SMG6: variants seen among roughly 807,000 people sequenced by gnomAD.
The protein encoded by SMG6 is SMG6 nonsense mediated mRNA decay factor.
Under a neutral mutation model 142.2 loss-of-function variants are expected in SMG6, and 66 were observed. The observed-to-expected ratio is 0.46, with a 90% CI of 0.38 to 0.57. The LOEUF is 0.57. Among genes scored for constraint, SMG6 ranks in the 20% least tolerant of loss-of-function variants. The pLI is 0.00. For missense variants in SMG6, 1,793 were observed against 1,832.0 expected, an observed-to-expected ratio of 0.98 and a Z score of 0.39; for synonymous variants, 779 against 702.4, an observed-to-expected ratio of 1.11 and a Z score of -1.72.
chr17:2,250,783 A>C (rs984355310), intron 8 of SMG6, among the ~76,000 whole-genome samples: 1 of 152,138 alleles, frequency 6.6e-6, no homozygotes, highest in Non-Finnish European at 1.5e-5. Context: ...TTTCATGAGT[A>C]CCTGTTAGTA....
At chr17:2,179,545 G>T (rs897039888) in intron 12 of SMG6, among the ~76,000 whole-genome samples, 1 of 151,354 alleles carries the variant, frequency 6.6e-6, no homozygotes. Context: ...TATGGAAGAC[G>T]ATCCATGGAA....
At chr17:2,303,392 G>A (rs190452668) in intron 1 of SMG6, 5 of 1,241,808 alleles carry the variant, frequency 4.0e-6, no homozygotes, top group Non-Finnish European at 5.0e-6. Context: ...CGGCGAGAAA[G>A]AGGGTGGAGG....
Position 2,065,055 on chromosome 17 carries a change from G to T in SMG6, c.4129+18C>A. 6.2e-7 allele frequency: 1 copy of T among 1,606,516 alleles called. No homozygotes were observed. Among genetic ancestry groups the T allele is most frequent in the Non-Finnish European group, 8.5e-7 (1 of 1,173,654 alleles). On this transcript the variant is annotated intron_variant, in intron 18 of 18. Transcript: ENST00000263073. ...GGCAGTGGGGATGGAAGATCCCAAGGCGGAGGCAAAGCTGTACCTTTGCTG... is the reference window on the plus strand; with the variant it reads ...GGCAGTGGGGATGGAAGATCCCAAGTCGGAGGCAAAGCTGTACCTTTGCTG...
chr17:2,297,314 C>G lies in SMG6; in HGVS notation c.2080G>C (p.Val694Leu). 1 of 1,612,950 alleles carries G rather than the reference C, an allele frequency of 6.2e-7. No homozygotes were observed. The highest frequency in any genetic ancestry group is 8.5e-7 in the Non-Finnish European group (1 of 1,179,520). Residue 694 changes from valine to leucine, a missense_variant, in exon 4 of 19, where the codon GTT (valine) becomes CTT (leucine). Transcript: ENST00000263073. ...FFDSLLQKLQ[V>L]TYKFKLEDYM... ...TCTTCCAGTTTGAACTTGTAAGTAA[C>G]CTGCAGCTTCTGAAGCAAACTATCA...
At chr17:2,083,090 C>T (rs529607567) in intron 14 of SMG6, among the ~76,000 whole-genome samples, 26 of 152,296 alleles carry the variant, frequency 1.7e-4, no homozygotes, top group African/African-American at 6.0e-4. Flanking sequence ...CCAAGTGAAT[C>T]TGACTCCAAA....
chr17:2,215,898 G>A (rs2073004586), intron 10 of SMG6: 1 of 152,212 alleles, frequency 6.6e-6, no homozygotes, highest in African/African-American at 2.4e-5. Context: ...GAGAAGGGCA[G>A]GCTAACCGAG....
intron 8 of SMG6, among the ~76,000 whole-genome samples, chr17:2,263,844 C>G (rs898238272): frequency 6.6e-6 from 1 of 152,164 alleles, no homozygotes; most frequent in Non-Finnish European, 1.5e-5. Flanking sequence ...AGCTCAAATA[C>G]ATCAGATCTA....
chr17:2,299,388 C>A lies in SMG6; in HGVS notation c.1365G>T (p.Leu455Phe). ...TCTGATCAGGATTGTTTGGGTCCCACAATCGGCGTGTGGTGCCTCCACGGC... is the reference window on the plus strand; with the variant it reads ...TCTGATCAGGATTGTTTGGGTCCCAAAATCGGCGTGTGGTGCCTCCACGGC... ...SWGRGGTTRR[L>F]WDPNNPDQKP... The change falls in exon 2 of 19, where the codon TTG (leucine) becomes TTT (phenylalanine). Residue 455 changes from leucine (L) to phenylalanine (F), a missense_variant. Leu to Phe is a conservative substitution (Grantham distance 22). Around this residue, in one of 3 missense-constraint regions of SMG6, gnomAD observed 1,597 missense variants for 1,584.6 expected, o/e 1.01. Coordinates refer to ENST00000263073, the MANE Select transcript of SMG6 (RefSeq NM_017575.5). This position sits in a 1 kb window ranked among gnomAD's most constrained non-coding sequence, Gnocchi z 4.3. 1 of 1,613,988 alleles carries A rather than the reference C, an allele frequency of 6.2e-7. No homozygotes were observed.
chr17:2,253,372 T>G (rs1356561438), intron 8 of SMG6, among the ~76,000 whole-genome samples: 1 of 152,124 alleles, frequency 6.6e-6, no homozygotes, highest in Non-Finnish European at 1.5e-5. Flanking sequence ...CTCGATCTCC[T>G]GACCTCCTGA....
chr17:2,190,864 G>A (rs1408579310), intron 10 of SMG6, among the ~76,000 whole-genome samples: 3 of 152,166 alleles, frequency 2.0e-5, no homozygotes, highest in East Asian at 3.8e-4. Context: ...CATCTGATGC[G>A]GAGTATTAAG....
At chr17:2,137,738 T>C (rs530886591) in intron 13 of SMG6, among the ~76,000 whole-genome samples, 20 of 152,280 alleles carry the variant, frequency 1.3e-4, no homozygotes, top group East Asian at 9.6e-4. Flanking sequence ...TTTGGCTCTA[T>C]AGATTCTCTG....
Position 2,081,922 on chromosome 17 carries a change from T to A in SMG6, c.3569A>T (p.Asp1190Val). The change falls in exon 15 of 19, where the codon GAT becomes GTT. Residue 1190 changes from aspartate to valine, a missense_variant. Transcript: ENST00000263073. The part of the protein sequence containing the change: ...EDVVIEDFEE[D>V]SEAEGSGGED... ...GCCTCCGCTGCCTTCAGCCTCTGAA[T>A]CTTCCTCAAAGTCTTCAATCACCAC... 6.2e-7 allele frequency: 1 copy of A among 1,614,176 alleles called. No homozygotes were observed. Among genetic ancestry groups the A allele is most frequent in the Non-Finnish European group, 8.5e-7 (1 of 1,180,032 alleles).
chr17:2,153,084 C>CTA (rs1277161782), intron 13 of SMG6, among the ~76,000 whole-genome samples: 1 of 152,240 alleles, frequency 6.6e-6, no homozygotes, highest in Non-Finnish European at 1.5e-5. Context: ...CTCAAGAGCT[C>CTA]TATATCAAGC....
intron 12 of SMG6, among the ~76,000 whole-genome samples, chr17:2,182,971 C>T (rs2071853713): frequency 6.6e-6 from 1 of 152,122 alleles, no homozygotes; most frequent in Non-Finnish European, 1.5e-5. Context: ...GAAAGAGAGG[C>T]CCAGCACTGT....
chr17:2,242,654 T>C (rs1417231676), intron 9 of SMG6, among the ~76,000 whole-genome samples: 1 of 124,916 alleles, frequency 8.0e-6, no homozygotes, highest in Non-Finnish European at 1.5e-5. Flanking sequence ...GCCACTGCAC[T>C]TCAGCCTGGG....
intron 8 of SMG6, among the ~76,000 whole-genome samples, chr17:2,253,147 ATTTATTTATTTT>A (rs1184091997): frequency 0.01 from 1,517 of 150,244 alleles, 31 homozygotes; most frequent in African/African-American, 0.034. Flanking sequence ...TTATTTATTT[ATTTATTTATTTT>A]GAGATGGAGT....
At chr17:2,174,482 T>C (rs889631157) in intron 12 of SMG6, among the ~76,000 whole-genome samples, 2 of 152,258 alleles carry the variant, frequency 1.3e-5, no homozygotes, top group Non-Finnish European at 2.9e-5. Flanking sequence ...GTTTATTTAC[T>C]GTAATCATTG....
At chr17:2,224,645 A>T (rs1190722136) in intron 10 of SMG6, among the ~76,000 whole-genome samples, 1 of 150,892 alleles carries the variant, frequency 6.6e-6, no homozygotes, top group Non-Finnish European at 1.5e-5. Flanking sequence ...GGGTCACAGA[A>T]GGAGAAGAGA....
chr17:2,111,084 T>C (rs1597399301), intron 13 of SMG6, among the ~76,000 whole-genome samples: 1 of 152,162 alleles, frequency 6.6e-6, no homozygotes, highest in African/African-American at 2.4e-5. Flanking sequence ...GAGTTCTAAA[T>C]GTATTCTACT....
Sources: gnomAD v4.1 joint callset for allele counts (sites outside exome capture counted in the v4.1 genomes callset) on GRCh38, gnomAD v4.1.1 for gene constraint, gnomAD v4.1.1 regional missense constraint, Gnocchi (gnomAD v3.1) non-coding constraint, MANE v1.5 for transcripts, NCBI Gene and HGNC (gene_info 2026-07-23, HGNC 2026-07-21) for gene names.